Variants in FILIP1 observed in about 807,000 individuals in gnomAD.
FILIP1 encodes the protein filamin-A-interacting protein 1.
FILIP1 carries 61 observed loss-of-function variants against 102.1 expected under a neutral mutation model. That is an observed-to-expected ratio of 0.60 (90% CI 0.49 to 0.74). The LOEUF (loss-of-function observed/expected upper bound fraction) is 0.74. FILIP1 is among the 30% of genes least tolerant of loss of function. FILIP1 has a pLI of 0.00. For missense variants in FILIP1, 1,314 were observed against 1,441.2 expected, an observed-to-expected ratio of 0.91 and a Z score of 1.43; for synonymous variants, 491 against 526.9, an observed-to-expected ratio of 0.93 and a Z score of 0.93.
intron 4 of FILIP1, among the ~76,000 whole-genome samples, chr6:75,342,498 ATCTTAGTTAATTAC>A (rs1774446907): frequency 6.6e-6 from 1 of 152,240 alleles, no homozygotes; most frequent in Non-Finnish European, 1.5e-5. Context: ...CAGAAACTTC[ATCTTAGTTAATTAC>A]GGGTATGCTC....
chr6:75,491,909 C>T (rs1009232711), intron 1 of FILIP1, among the ~76,000 whole-genome samples: 2 of 152,168 alleles, frequency 1.3e-5, no homozygotes, highest in African/African-American at 2.4e-5. Context: ...AAATTACATG[C>T]CTAGAATCAA....
chr6:75,366,433 T>G (rs976519772), intron 2 of FILIP1, among the ~76,000 whole-genome samples: 12 of 152,234 alleles, frequency 7.9e-5, no homozygotes, highest in African/African-American at 2.9e-4. Context: ...AAAATTTTTA[T>G]CATGATATAG....
chr6:75,316,060 C>T (rs1231684076), intron 4 of FILIP1, among the ~76,000 whole-genome samples: 1 of 152,056 alleles, frequency 6.6e-6, no homozygotes, highest in African/African-American at 2.4e-5. Context: ...ATCTGTATAT[C>T]AATACAAAAA....
At chr6:75,301,918 T>A (rs1562420909) in intron 6 of FILIP1, among the ~76,000 whole-genome samples, 1 of 152,180 alleles carries the variant, frequency 6.6e-6, no homozygotes, top group African/African-American at 2.4e-5. Flanking sequence ...TGCTTTTTGG[T>A]GGTGTTTGGT....
At chr6:75,379,656 C>T (rs1262697248) in intron 2 of FILIP1, among the ~76,000 whole-genome samples, 4 of 152,200 alleles carry the variant, frequency 2.6e-5, no homozygotes, top group African/African-American at 9.7e-5. Context: ...CTCCTCTCTC[C>T]TTGGCTTTAT....
intron 4 of FILIP1, among the ~76,000 whole-genome samples, chr6:75,329,444 CA>C (rs1773988296): frequency 6.6e-6 from 1 of 152,190 alleles, no homozygotes; most frequent in African/African-American, 2.4e-5. Flanking sequence ...ACACAAATGT[CA>C]CCAAAAAGTC....
At chr6:75,335,561 G>A (rs753117702) in intron 4 of FILIP1, among the ~76,000 whole-genome samples, 3 of 150,468 alleles carry the variant, frequency 2.0e-5, no homozygotes, top group Admixed American at 6.6e-5. Flanking sequence ...GAGTGTATGA[G>A]TGATAAATCT....
At position 75,314,794 on chromosome 6, in the gene FILIP1, T is replaced by C. The variant is rs1313196035; in HGVS notation, c.1038A>G (p.Glu346=). Residue 346 remains glutamate, a synonymous_variant, in exon 5 of 6, where the codon GAA becomes GAG. Coordinates refer to ENST00000237172, the MANE Select transcript of FILIP1 (RefSeq NM_015687.5). ...VGLTQRIEEL[E]ETNKNLQKAE... is the part of the protein sequence containing the mutation. ...CCTTCTGCAGATTTTTGTTGGTCTCTTCTAGCTCCTCGATTCTTTGGGTTA... is the reference window on the plus strand; with the variant it reads ...CCTTCTGCAGATTTTTGTTGGTCTCCTCTAGCTCCTCGATTCTTTGGGTTA... 1 of 1,614,112 alleles carries C rather than the reference T, an allele frequency of 6.2e-7. No homozygotes were observed. Among genetic ancestry groups the C allele is most frequent in the Non-Finnish European group, 8.5e-7 (1 of 1,180,022 alleles).
intron 1 of FILIP1, among the ~76,000 whole-genome samples, chr6:75,472,087 G>C (rs988642395): frequency 1.3e-5 from 2 of 152,018 alleles, no homozygotes; most frequent in East Asian, 1.9e-4. Flanking sequence ...CTTTAAACTG[G>C]TGAAATTAGT....
intron 1 of FILIP1, among the ~76,000 whole-genome samples, chr6:75,422,501 CT>C (rs1777499318): frequency 6.6e-6 from 1 of 152,080 alleles, no homozygotes; most frequent in African/African-American, 2.4e-5. Flanking sequence ...ACTAGAATTT[CT>C]TCCTGTATTT....
intron 1 of FILIP1, among the ~76,000 whole-genome samples, chr6:75,466,016 C>A (rs1171415914): frequency 1.3e-5 from 2 of 152,242 alleles, no homozygotes; most frequent in Admixed American, 1.3e-4. Context: ...AAGGCCCACC[C>A]AGGTTATTCT....
At chr6:75,441,438 C>A (rs746457851) in intron 1 of FILIP1, among the ~76,000 whole-genome samples, 7 of 152,170 alleles carry the variant, frequency 4.6e-5, no homozygotes, top group South Asian at 2.1e-4. Context: ...CCTTTCCCCC[C>A]CTTCTATTCC....
At chr6:75,410,959 T>C (rs141782455) in intron 2 of FILIP1, among the ~76,000 whole-genome samples, 1,570 of 152,326 alleles carry the variant, frequency 0.01, 31 homozygotes, top group African/African-American at 0.036. Flanking sequence ...CTGGGTCAAA[T>C]GGTACTTCTG....
intron 6 of FILIP1, among the ~76,000 whole-genome samples, chr6:75,302,811 G>A (rs1460083850): frequency 7.1e-6 from 1 of 140,338 alleles, no homozygotes; most frequent in Non-Finnish European, 1.5e-5. Context: ...ATGATGATAT[G>A]ATATGATATG....
chr6:75,383,221 G>A (rs1317166655), intron 2 of FILIP1, among the ~76,000 whole-genome samples: 2 of 152,100 alleles, frequency 1.3e-5, no homozygotes, highest in Non-Finnish European at 2.9e-5. Flanking sequence ...TGAGTAACAA[G>A]GTAAGATCTG....
chr6:75,453,247 C>T (rs559265668), intron 1 of FILIP1, among the ~76,000 whole-genome samples: 52 of 152,322 alleles, frequency 3.4e-4, no homozygotes, highest in African/African-American at 1.2e-3. Flanking sequence ...TGTATTTCCA[C>T]CTGTACCCAC....
At position 75,474,252 on chromosome 6, in the gene FILIP1, G is replaced by C. The variant is rs561462076; in HGVS notation, c.-7+19162C>G. Among the ~76,000 whole-genome samples the C allele has an allele frequency of 6.6e-5, 10 of 152,162 alleles. No individual in the cohort carries two copies. The South Asian group carries it at 1.9e-3, about 28-fold the overall frequency. On this transcript the variant is annotated intron_variant, in intron 1 of 5. Coordinates refer to ENST00000237172, the MANE Select transcript of FILIP1 (RefSeq NM_015687.5). ...TCATTTACTCTCACATTTTATGTCT[G>C]CAGATTGTCATTAAGTGGATGTATT...
chr6:75,296,018 A>G (rs1772657612), intron 6 of FILIP1: 1 of 1,100,202 alleles, frequency 9.1e-7, no homozygotes, highest in Admixed American at 3.8e-5. Context: ...ACATCATTTC[A>G]CTAAAAGATC....
At chr6:75,380,419 A>G (rs1294870605) in intron 2 of FILIP1, among the ~76,000 whole-genome samples, 2 of 152,288 alleles carry the variant, frequency 1.3e-5, no homozygotes, top group Non-Finnish European at 2.9e-5. Flanking sequence ...TATAAATTGA[A>G]ACAATAATGA....
Sources: gnomAD v4.1 joint callset for allele counts (sites outside exome capture counted in the v4.1 genomes callset) on GRCh38, gnomAD v4.1.1 for gene constraint, MANE v1.5 for transcripts, NCBI Gene and HGNC (gene_info 2026-07-23, HGNC 2026-07-21) for gene names.